The following LY75 variants were observed in gnomAD, a reference collection of about 807,000 sequenced individuals.
The protein encoded by LY75 is C-type lectin domain family 13 member B.
Under a neutral mutation model 231.7 loss-of-function variants are expected in LY75, and 185 were observed. That is an observed-to-expected ratio of 0.80 (90% CI 0.71 to 0.90). The LOEUF is 0.90. LY75 is among the 40% of genes least tolerant of loss of function. LY75 has a pLI of 0.00. For synonymous variants in LY75, 668 were observed against 689.0 expected, an observed-to-expected ratio of 0.97 and a Z score of 0.48; for missense variants, 1,947 against 2,050.2, an observed-to-expected ratio of 0.95 and a Z score of 0.97.
At chr2:159,821,085 G>A (rs913269488) in intron 28 of LY75, among the ~76,000 whole-genome samples, 10 of 152,126 alleles carry the variant, frequency 6.6e-5, no homozygotes, top group Admixed American at 4.6e-4. Context: ...TAATCCATCC[G>A]CCTTGGCCTC....
chr2:159,860,813 G>A lies in LY75; in HGVS notation c.2268+8C>T. The A allele has an allele frequency of 6.2e-7, 1 of 1,613,768 alleles. No homozygotes were observed. The highest frequency in any genetic ancestry group is 8.5e-7 in the Non-Finnish European group (1 of 1,179,780). ...TTAAATATGCAGATTTTCCAGCATT[G>A]TACTGACCTTGACAGCAGCACAGTC... On this transcript the variant is annotated splice_region_variant and intron_variant, in intron 15 of 34. Coordinates refer to ENST00000263636, the MANE Select transcript of LY75 (RefSeq NM_002349.4).
Position 159,835,472 on chromosome 2 carries a change from T to A in LY75, c.3673+8A>T. The A allele has an allele frequency of 1.3e-6, 2 of 1,576,966 alleles. No homozygotes were observed. The highest frequency in any genetic ancestry group is 1.7e-6 in the Non-Finnish European group (2 of 1,165,610). On this transcript the variant is annotated splice_region_variant and intron_variant, in intron 26 of 34. Transcript: ENST00000263636. Reference sequence around the variant, plus strand: ...ATTTAAGAATTAAAAGATCTGAAATTCACATACTTCCTGAATAGTAGCAAA... The same window carrying A: ...ATTTAAGAATTAAAAGATCTGAAATACACATACTTCCTGAATAGTAGCAAA...
At chr2:159,808,636 T>C (rs2125826679) in intron 32 of LY75, 65 bp from the exon 33 acceptor site, 1 of 1,584,982 alleles carries the variant, frequency 6.3e-7, no homozygotes, top group African/African-American at 1.3e-5. Context: ...TATTCTCAAC[T>C]AGCCATTTGA....
At chr2:159,814,587 C>A (rs1683058938) in intron 31 of LY75, among the ~76,000 whole-genome samples, 1 of 145,654 alleles carries the variant, frequency 6.9e-6, no homozygotes, top group South Asian at 2.1e-4. Context: ...CCTAGGAGGT[C>A]AAGGCTGCAG....
intron 2 of LY75, among the ~76,000 whole-genome samples, chr2:159,898,249 G>A (rs1685957108): frequency 1.3e-5 from 2 of 152,018 alleles, no homozygotes; most frequent in African/African-American, 4.8e-5. Context: ...CGAGAAGCTG[G>A]GACCGCAACC....
chr2:159,838,709 T>C (rs918731914), intron 25 of LY75, among the ~76,000 whole-genome samples: 3 of 152,182 alleles, frequency 2.0e-5, no homozygotes, highest in African/African-American at 2.4e-5. Flanking sequence ...GTAAATGCAA[T>C]GCTATAAAAC....
chr2:159,812,898 A>G (rs1469836882), intron 31 of LY75, among the ~76,000 whole-genome samples: 1 of 152,154 alleles, frequency 6.6e-6, no homozygotes, highest in Non-Finnish European at 1.5e-5. Flanking sequence ...TCCTGTCTCT[A>G]TGAATTTGAC....
chr2:159,825,248 A>G (rs1244149143), intron 28 of LY75, among the ~76,000 whole-genome samples: 3 of 152,228 alleles, frequency 2.0e-5, no homozygotes, highest in Admixed American at 1.3e-4. Context: ...AGAATCAAAT[A>G]GACACAATAA....
At chr2:159,901,886 T>C (rs1553815653) in intron 1 of LY75, among the ~76,000 whole-genome samples, 1 of 152,234 alleles carries the variant, frequency 6.6e-6, no homozygotes, top group Non-Finnish European at 1.5e-5. Context: ...ATACATTAGA[T>C]AGGGAGAGTC....
chr2:159,807,439 A>G (rs1165939329), intron 33 of LY75, among the ~76,000 whole-genome samples: 3 of 152,230 alleles, frequency 2.0e-5, no homozygotes, highest in African/African-American at 7.2e-5. Context: ...TGTTTCCGTT[A>G]AAGTGCAGAA....
intron 13 of LY75, among the ~76,000 whole-genome samples, chr2:159,870,560 A>G (rs1684980710): frequency 6.6e-6 from 1 of 152,138 alleles, no homozygotes; most frequent in South Asian, 2.1e-4. Flanking sequence ...GCTGGAGTGC[A>G]GTGGCACTAT....
At chr2:159,813,050 A>T (rs1285185904) in intron 31 of LY75, among the ~76,000 whole-genome samples, 2 of 152,178 alleles carry the variant, frequency 1.3e-5, no homozygotes, top group African/African-American at 4.8e-5. Flanking sequence ...AAGGCTTCTT[A>T]TCCATTCGTC....
At chr2:159,893,312 C>T (rs1685814649) in intron 3 of LY75, among the ~76,000 whole-genome samples, 1 of 152,162 alleles carries the variant, frequency 6.6e-6, no homozygotes, top group Non-Finnish European at 1.5e-5. Flanking sequence ...TTGAAATGAC[C>T]AATCCACTCT....
rs780067962 is a variant in LY75 at position 159,817,288 on chromosome 2, A to T, written c.4154-256T>A. On this transcript the variant is annotated intron_variant, in intron 29 of 34. Coordinates refer to ENST00000263636, the MANE Select transcript of LY75 (RefSeq NM_002349.4). ...TCATATATTAGTTGGAGACAGAAAC[A>T]ACAATGGCTGAAATGATGGCAAAAC... 1.8e-4 allele frequency among the ~76,000 whole-genome samples: 27 copies of T among 152,368 alleles called. 1 individual carries two copies. The East Asian group carries it at 4.2e-3, about 24-fold the overall frequency.
chr2:159,882,075 A>G (rs1488516530), intron 7 of LY75, 49 bp downstream of exon 7: 1 of 1,558,244 alleles, frequency 6.4e-7, no homozygotes, highest in Non-Finnish European at 8.7e-7. Context: ...AACCAGGGAT[A>G]CTTTAAAATG....
At chr2:159,828,198 A>T (rs1050611670) in intron 28 of LY75, among the ~76,000 whole-genome samples, 24 of 126,458 alleles carry the variant, frequency 1.9e-4, no homozygotes, top group African/African-American at 5.5e-4. Context: ...CAGAAATATA[A>T]AATTTTATAT....
Position 159,808,487 on chromosome 2 carries a change from G to C in LY75, c.4784C>G (p.Thr1595Ser). Residue 1595 changes from threonine (T) to serine (S), a missense_variant, in exon 33 of 35, where the codon ACC becomes AGC. Coordinates refer to ENST00000263636, the MANE Select transcript of LY75 (RefSeq NM_002349.4). The stretch of plus-strand genomic sequence containing the variant: ...AGATAATCCAAGCCAAACTCTCATG[G>C]TAATGTTATTATTTTCCCTCATCAG... ...SRLMRENNNI[T>S]MRVWLGLSQH... 1 of 1,613,776 alleles carries C rather than the reference G, an allele frequency of 6.2e-7. No homozygotes were observed.
intron 1 of LY75, chr2:159,902,857 C>G (rs1286844743): frequency 6.6e-6 from 1 of 152,222 alleles, no homozygotes; most frequent in Non-Finnish European, 1.5e-5. Flanking sequence ...GCTCTCCAAG[C>G]AGGCAAAAAT....
At chr2:159,853,841 AC>A (rs1283458911) in intron 18 of LY75, 144 bp from the exon 19 acceptor site, 7 of 1,071,090 alleles carry the variant, frequency 6.5e-6, no homozygotes, top group East Asian at 5.1e-5. Context: ...ACAAACTAGA[AC>A]CTTTTGCCAA....
Sources: allele counts gnomAD v4.1 joint callset (sites outside exome capture counted in the v4.1 genomes callset), GRCh38; gene constraint gnomAD v4.1.1; transcripts MANE v1.5; gene names NCBI Gene and HGNC (gene_info 2026-07-23, HGNC 2026-07-21).